HDAC4: variants seen among roughly 807,000 people sequenced by gnomAD.
HDAC4 encodes the protein histone deacetylase 4, also known as histone deacetylase A.
HDAC4 carries 16 observed loss-of-function variants against 135.1 expected under a neutral mutation model. The ratio of observed to expected loss-of-function variants is 0.12; its 90% CI spans 0.08 to 0.18. The LOEUF (loss-of-function observed/expected upper bound fraction) is 0.18. Ranked by LOEUF, HDAC4 falls within the 10% of genes least tolerant of loss-of-function variation. HDAC4 has a pLI of 1.00. For missense variants in HDAC4, 1,143 were observed against 1,511.8 expected (o/e 0.76, Z 4.05); for synonymous variants, 685 against 653.4 (o/e 1.05, Z -0.74).
chr2:239,152,211 G>A (rs1185707720), intron 7 of HDAC4, among the ~76,000 whole-genome samples: 2 of 152,176 alleles, frequency 1.3e-5, no homozygotes, highest in Non-Finnish European at 2.9e-5. Context: ...TGGACTCAAA[G>A]GCTCTGTTTA....
chr2:239,220,894 G>A (rs1419420602), intron 3 of HDAC4, among the ~76,000 whole-genome samples: 2 of 152,102 alleles, frequency 1.3e-5, no homozygotes, highest in Non-Finnish European at 2.9e-5. Context: ...GTACCCTTCC[G>A]CCAGGTTTCC....
chr2:239,126,776 A>G (rs1328319146), intron 11 of HDAC4, 82 bp from the exon 12 acceptor site: 1 of 1,457,540 alleles, frequency 6.9e-7, no homozygotes, highest in East Asian at 2.3e-5. Flanking sequence ...TAAGTGATGG[A>G]GACAACTGCG....
Position 239,306,827 on chromosome 2 carries a change from C to T in HDAC4, c.22+45851G>A, listed in dbSNP as rs939063123. On this transcript the variant is annotated intron_variant, in intron 2 of 26. Transcript: ENST00000543185. This position sits in a 1 kb window ranked among gnomAD's most constrained non-coding sequence, Gnocchi z 4.5. ...CCTGGCCTGGTTTCCCACACACCCC[C>T]GAGGAGCCAGACAGGATCGAGAGAA... Among the ~76,000 whole-genome samples the T allele has an allele frequency of 1.3e-5, 2 of 152,078 alleles. No homozygotes were observed. The highest frequency in any genetic ancestry group is 2.4e-5 in the African/African-American group (1 of 41,410).
chr2:239,113,389 G>A (rs566134191), intron 13 of HDAC4, among the ~76,000 whole-genome samples: 93 of 152,330 alleles, frequency 6.1e-4, no homozygotes, highest in Non-Finnish European at 1.0e-3. Context: ...ACCAAATTCA[G>A]CTGGGATTGC....
rs376426803 is a variant in HDAC4, at chr2:239,111,731, C to T, written c.1792-19G>A. 1.4e-4 allele frequency: 222 copies of T among 1,578,238 alleles called. No homozygotes were observed. The highest frequency in any genetic ancestry group is 1.8e-4 in the Non-Finnish European group (211 of 1,162,516). ...GGGCTTGCTGCGGGGAAGAAACGGC[C>T]GTGTTGGCGGTTGCGGATGTCTCCC... On this transcript the variant is annotated intron_variant, in intron 13 of 26. Coordinates refer to ENST00000543185, the MANE Select transcript of HDAC4 (RefSeq NM_001378414.1).
intron 1 of HDAC4, among the ~76,000 whole-genome samples, chr2:239,383,907 G>C (rs562583759): frequency 6.6e-6 from 1 of 152,244 alleles, no homozygotes; most frequent in African/African-American, 2.4e-5. Flanking sequence ...AACAAGGCCA[G>C]ACAAGGACAG....
At chr2:239,129,308 A>T (rs2040408873) in intron 11 of HDAC4, among the ~76,000 whole-genome samples, 1 of 152,162 alleles carries the variant, frequency 6.6e-6, no homozygotes, top group South Asian at 2.1e-4. Context: ...GATCCCTGAG[A>T]TCATTAACAA....
chr2:239,272,865 T>C (rs532171446), intron 2 of HDAC4, among the ~76,000 whole-genome samples: 5 of 152,312 alleles, frequency 3.3e-5, no homozygotes, highest in African/African-American at 1.2e-4. Flanking sequence ...GCATCTACCC[T>C]GGCCCTCTCG....
chr2:239,201,789 A>G (rs1383981305), intron 3 of HDAC4, among the ~76,000 whole-genome samples: 1 of 152,234 alleles, frequency 6.6e-6, no homozygotes, highest in African/African-American at 2.4e-5. Context: ...ATAAAAAGCT[A>G]CAATTAATAC....
intron 7 of HDAC4, among the ~76,000 whole-genome samples, chr2:239,151,703 C>A (rs2042130084): frequency 6.6e-6 from 1 of 152,240 alleles, no homozygotes; most frequent in African/African-American, 2.4e-5. Flanking sequence ...CCCTACCAGG[C>A]AGGCTAGAGA....
intron 24 of HDAC4, among the ~76,000 whole-genome samples, chr2:239,065,473 C>T (rs554967082): frequency 3.3e-5 from 5 of 152,210 alleles, no homozygotes; most frequent in Non-Finnish European, 7.3e-5. Flanking sequence ...AATGAGGATG[C>T]TGCTTCCAGA....
chr2:239,387,986 C>T (rs1228215228), intron 1 of HDAC4, among the ~76,000 whole-genome samples: 2 of 152,116 alleles, frequency 1.3e-5, no homozygotes, highest in African/African-American at 4.8e-5. Flanking sequence ...GACGGGAGGA[C>T]GGGTATCCAC....
chr2:239,385,027 G>C (rs1383180506), intron 1 of HDAC4, among the ~76,000 whole-genome samples: 4 of 152,142 alleles, frequency 2.6e-5, no homozygotes, highest in African/African-American at 9.7e-5. Context: ...TGTGCACAGG[G>C]ACAGGGACAA....
intron 2 of HDAC4, among the ~76,000 whole-genome samples, chr2:239,326,058 A>T (rs2053460792): frequency 6.6e-6 from 1 of 152,210 alleles, no homozygotes; most frequent in South Asian, 2.1e-4. Flanking sequence ...GGACTCAGAG[A>T]CGTGTGTACA....
At chr2:239,100,955 C>T (rs547961537) in intron 16 of HDAC4, among the ~76,000 whole-genome samples, 7 of 152,002 alleles carry the variant, frequency 4.6e-5, no homozygotes, top group South Asian at 2.1e-4. Context: ...TGTAGGGAGT[C>T]GGGGCCCAGA....
intron 22 of HDAC4, among the ~76,000 whole-genome samples, chr2:239,075,849 C>T (rs997788520): frequency 2.0e-5 from 3 of 152,164 alleles, no homozygotes; most frequent in Non-Finnish European, 4.4e-5. Context: ...AGCCACTCCC[C>T]TTGGTTTCCC....
In HDAC4 at chr2:239,400,756, T is replaced by G. The variant is rs1696927756; in HGVS notation, c.-220+222A>C. ...CGCTCCGCGCCGCATCTCCTCAGCCTGCGCCGCCACCCGCCGGCGCGCGGG... is the reference window on the plus strand; with the variant it reads ...CGCTCCGCGCCGCATCTCCTCAGCCGGCGCCGCCACCCGCCGGCGCGCGGG... On this transcript the variant is annotated intron_variant, in intron 1 of 26. Transcript: ENST00000543185. This position sits in a 1 kb window ranked among gnomAD's most constrained non-coding sequence, Gnocchi z 4.7. 5 of 143,882 alleles carry G rather than the reference T, an allele frequency of 3.5e-5. No individual in the cohort carries two copies. In the East Asian group the frequency reaches 8.3e-4, roughly 24 times the overall value. The allele number at this position is 143,882 out of a possible 1,614,324, so 8.9% of individuals were successfully genotyped here. A position where few individuals can be genotyped will look rare whatever the true frequency, so the allele number is the denominator to read the frequency against.
At chr2:239,208,789 C>T (rs1006045947) in intron 3 of HDAC4, among the ~76,000 whole-genome samples, 46 of 152,226 alleles carry the variant, frequency 3.0e-4, no homozygotes, top group African/African-American at 1.1e-3. Flanking sequence ...GAAAACCTAA[C>T]ATAAGAAACA....
intron 2 of HDAC4, among the ~76,000 whole-genome samples, chr2:239,322,884 A>G (rs905307915): frequency 6.6e-6 from 1 of 152,126 alleles, no homozygotes; most frequent in African/African-American, 2.4e-5. Context: ...CTTCTCGGGA[A>G]GCCCAGAAAG....
Sources: allele counts gnomAD v4.1 joint callset (sites outside exome capture counted in the v4.1 genomes callset), GRCh38; gene constraint gnomAD v4.1.1; non-coding constraint Gnocchi (gnomAD v3.1); transcripts MANE v1.5; gene names NCBI Gene and HGNC (gene_info 2026-07-23, HGNC 2026-07-21).